Variants in MED15 observed in about 807,000 individuals in gnomAD.
MED15 encodes mediator of RNA polymerase II transcription subunit 15.
In MED15, 41 loss-of-function variants were observed where a neutral mutation model predicts 118.7. The ratio of observed to expected loss-of-function variants is 0.35; its 90% CI spans 0.27 to 0.45. The LOEUF (loss-of-function observed/expected upper bound fraction) is 0.45, where lower values mean the gene tolerates loss of function less well. Among genes scored for constraint, MED15 ranks in the 20% least tolerant of loss-of-function variants. MED15 has a pLI of 1.00. For synonymous variants in MED15, 436 were observed against 413.9 expected (o/e 1.05, Z -0.65); for missense variants, 740 against 1,025.5 (o/e 0.72, Z 3.80).
Position 20,521,270 on chromosome 22 carries a change from T to C in MED15, c.68+13524T>C, listed in dbSNP as rs543919985. ...TACCACCATGCCTAGCTAATTTTTATATTTTTAGTAGAGACTGGGTTTTGC... is the reference window on the plus strand; with the variant it reads ...TACCACCATGCCTAGCTAATTTTTACATTTTTAGTAGAGACTGGGTTTTGC... On this transcript the variant is annotated intron_variant, in intron 1 of 17. Transcript: ENST00000263205. Among the ~76,000 whole-genome samples, 13 of 151,530 alleles carry C rather than the reference T, an allele frequency of 8.6e-5. 1 individual carries two copies. The highest frequency in any genetic ancestry group is 3.1e-4 in the African/African-American group (13 of 41,350).
intron 1 of MED15, among the ~76,000 whole-genome samples, chr22:20,517,849 T>A (rs187065090): frequency 2.6e-4 from 38 of 146,798 alleles, no homozygotes; most frequent in Admixed American, 2.5e-3. Flanking sequence ...TTAAATTAGA[T>A]CCATTTTTTT....
At chr22:20,559,324 C>G (rs1306935640) in intron 5 of MED15, among the ~76,000 whole-genome samples, 1 of 151,842 alleles carries the variant, frequency 6.6e-6, no homozygotes, top group Non-Finnish European at 1.5e-5. Context: ...TTAGATACAG[C>G]TGAAGAAAGA....
chr22:20,515,960 G>A (rs541928537), intron 1 of MED15, among the ~76,000 whole-genome samples: 11 of 151,694 alleles, frequency 7.3e-5, no homozygotes, highest in Non-Finnish European at 1.0e-4. Context: ...TCAAGATCAC[G>A]CCACTTCACT....
At chr22:20,577,834 A>G (rs938300995) in intron 9 of MED15, among the ~76,000 whole-genome samples, 2 of 152,166 alleles carry the variant, frequency 1.3e-5, no homozygotes, top group African/African-American at 4.8e-5. Flanking sequence ...GCAGTAGACA[A>G]AAGCCACAGG....
At chr22:20,542,610 C>T (rs2055355768) in intron 2 of MED15, among the ~76,000 whole-genome samples, 1 of 152,174 alleles carries the variant, frequency 6.6e-6, no homozygotes, top group Non-Finnish European at 1.5e-5. Context: ...ACTTCTGAGC[C>T]CATGTCTCTG....
chr22:20,545,969 C>T (rs2055518658), intron 2 of MED15, among the ~76,000 whole-genome samples: 1 of 152,210 alleles, frequency 6.6e-6, no homozygotes, highest in Non-Finnish European at 1.5e-5. Flanking sequence ...GGCACATCCC[C>T]ACCCTCAGGG....
At chr22:20,548,594 A>G (rs2055648278) in intron 2 of MED15, among the ~76,000 whole-genome samples, 1 of 152,148 alleles carries the variant, frequency 6.6e-6, no homozygotes. Flanking sequence ...TCGATTTTCA[A>G]TTTTGGTGTA....
At chr22:20,544,317 C>G (rs921860789) in intron 2 of MED15, among the ~76,000 whole-genome samples, 2 of 152,152 alleles carry the variant, frequency 1.3e-5, no homozygotes, top group Non-Finnish European at 2.9e-5. Context: ...TAACAAAATT[C>G]GTATGTTTCC....
intron 1 of MED15, among the ~76,000 whole-genome samples, chr22:20,526,226 A>T (rs1424428803): frequency 6.6e-6 from 1 of 152,308 alleles, no homozygotes; most frequent in South Asian, 2.1e-4. Context: ...TCAACATAAT[A>T]TATCACATAA....
chr22:20,536,572 G>A (rs999975060), intron 1 of MED15, among the ~76,000 whole-genome samples: 10 of 152,216 alleles, frequency 6.6e-5, no homozygotes, highest in Non-Finnish European at 1.0e-4. Context: ...TGAAGTTGGA[G>A]CTTGTCTCTT....
intron 1 of MED15, among the ~76,000 whole-genome samples, chr22:20,526,126 GC>G (rs571719193): frequency 6.6e-6 from 1 of 151,948 alleles, no homozygotes; most frequent in Non-Finnish European, 1.5e-5. Context: ...TCACTATATT[GC>G]CCAGGCCAAT....
At chr22:20,535,367 T>C (rs1011035626) in intron 1 of MED15, among the ~76,000 whole-genome samples, 1 of 152,162 alleles carries the variant, frequency 6.6e-6, no homozygotes, top group Non-Finnish European at 1.5e-5. Flanking sequence ...CTTTCTGTGA[T>C]GTCTTTAAGA....
At position 20,523,735 on chromosome 22, in the gene MED15, A is replaced by C. The variant is rs888096144; in HGVS notation, c.69-13382A>C. The C allele has an allele frequency of 4.1e-6, 4 of 985,214 alleles. No individual in the cohort carries two copies. In the African/African-American group the frequency reaches 7.0e-5, roughly 17 times the overall value. 61.0% of individuals were successfully genotyped at this position (985,214 alleles called of 1,614,324 possible). ...GGACAGAGATCTCGAGGCCTTTCCA[A>C]CTCTGCTGGTTCTTCAGAAGTCAAA... On this transcript the variant is annotated intron_variant, in intron 1 of 17. Transcript: ENST00000263205.
At chr22:20,562,791 A>T (rs938944568) in intron 5 of MED15, among the ~76,000 whole-genome samples, 1 of 152,164 alleles carries the variant, frequency 6.6e-6, no homozygotes, top group Non-Finnish European at 1.5e-5. Flanking sequence ...TAATCTCAAC[A>T]CTTTGTGAGG....
In MED15 at chr22:20,586,893, C is replaced by T. The variant is rs1161497891; in HGVS notation, c.*189C>T. On this transcript the variant is annotated 3_prime_UTR_variant, in exon 18 of 18. Coordinates refer to ENST00000263205, the MANE Select transcript of MED15 (RefSeq NM_001003891.3). ...CAGAACTGGGATAGGCGCAGTGGAG[C>T]GGGTTGCTTGGGGGGCGTTGGCCGA... The T allele has an allele frequency of 3.0e-5, 28 of 928,008 alleles. 1 individual carries two copies. In the Middle Eastern group the frequency reaches 1.8e-3, roughly 58 times the overall value. The allele number at this position is 928,008 out of a possible 1,614,324, so 57.5% of individuals were successfully genotyped here.
chr22:20,574,976 C>T, intron 8 of MED15, 137 bp from the exon 9 acceptor site: 1 of 1,321,146 alleles, frequency 7.6e-7, no homozygotes, highest in Non-Finnish European at 1.0e-6. Context: ...CCTCCCCTCC[C>T]AGGCTGCCCC....
intron 9 of MED15, among the ~76,000 whole-genome samples, chr22:20,577,861 A>G (rs915415255): frequency 1.3e-5 from 2 of 152,136 alleles, no homozygotes; most frequent in Admixed American, 6.5e-5. Context: ...GGAAAGAGGA[A>G]GGAAGGCACA....
intron 5 of MED15, 65 bp downstream of exon 5, chr22:20,555,213 G>A (rs1256778950): frequency 6.3e-6 from 9 of 1,431,070 alleles, no homozygotes; most frequent in Non-Finnish European, 8.5e-6. Context: ...TTTTATTCCT[G>A]TGCTTATGAT....
chr22:20,547,074 T>A (rs958158787), intron 2 of MED15, among the ~76,000 whole-genome samples: 1 of 152,250 alleles, frequency 6.6e-6, no homozygotes, highest in Non-Finnish European at 1.5e-5. Context: ...ATGTGTCTTT[T>A]CTGTTACTAT....
Sources: allele counts gnomAD v4.1 joint callset (sites outside exome capture counted in the v4.1 genomes callset), GRCh38; gene constraint gnomAD v4.1.1; transcripts MANE v1.5; gene names NCBI Gene and HGNC (gene_info 2026-07-23, HGNC 2026-07-21).